The following CLIP4 variants were observed in gnomAD, a reference collection of about 807,000 sequenced individuals.
CLIP4 encodes CAP-Gly domain-containing linker protein 4.
In CLIP4, 47 loss-of-function variants were observed where a neutral mutation model predicts 73.1. The ratio of observed to expected loss-of-function variants is 0.64; its 90% CI spans 0.51 to 0.82. The LOEUF (loss-of-function observed/expected upper bound fraction) is 0.82. CLIP4 is among the 40% of genes least tolerant of loss of function. CLIP4 has a pLI of 0.00. For synonymous variants in CLIP4, 306 were observed against 295.4 expected, an observed-to-expected ratio of 1.04 and a Z score of -0.37; for missense variants, 874 against 852.9, an observed-to-expected ratio of 1.02 and a Z score of -0.31.
rs1432714210 is a variant in CLIP4, at chr2:29,131,338, G to T, written c.214G>T (p.Ala72Ser). 3 of 1,610,272 alleles carry T rather than the reference G, an allele frequency of 1.9e-6. No homozygotes were observed. Among genetic ancestry groups the T allele is most frequent in the Non-Finnish European group, 2.5e-6 (3 of 1,178,476 alleles). Residue 72 changes from alanine to serine, a missense_variant, in exon 3 of 16, where the codon GCC becomes TCC. Physicochemically the swap from Ala to Ser is moderately conservative, Grantham distance 99. Coordinates refer to ENST00000320081, the MANE Select transcript of CLIP4 (RefSeq NM_024692.6). The part of the protein sequence containing the change: ...DPKTSVSELF[A>S]ILRQWVPQVQ... Reference sequence around the variant, plus strand: ...CAAAACTTCAGTTTCAGAATTATTTGCCATTTTGAGACAGTGGGTTCCTCA... The same window carrying T: ...CAAAACTTCAGTTTCAGAATTATTTTCCATTTTGAGACAGTGGGTTCCTCA...
At chr2:29,106,807 T>C (rs1668219178) in intron 1 of CLIP4, among the ~76,000 whole-genome samples, 1 of 152,224 alleles carries the variant, frequency 6.6e-6, no homozygotes, top group Admixed American at 6.5e-5. Flanking sequence ...CTGGTTGTGA[T>C]GATCTTGATG....
chr2:29,155,858 G>C (rs1405269259), intron 9 of CLIP4, among the ~76,000 whole-genome samples: 4 of 152,178 alleles, frequency 2.6e-5, no homozygotes, highest in Non-Finnish European at 5.9e-5. Context: ...TCAAAGCCCA[G>C]CAGAGGCTCC....
At chr2:29,114,077 TG>T (rs1558508327), upstream of CLIP4, 1 of 152,138 alleles carries the variant, frequency 6.6e-6, no homozygotes, top group East Asian at 1.9e-4. Context: ...GGGATGGTCA[TG>T]TATTCAAATA....
Position 29,181,683 on chromosome 2 carries a change from G to T in CLIP4, c.1908G>T (p.Glu636Asp). The T allele has an allele frequency of 6.2e-7, 1 of 1,614,214 alleles. No homozygotes were observed. Among genetic ancestry groups the T allele is most frequent in the South Asian group, 1.1e-5 (1 of 91,086 alleles). ...GSQVLLTSSN[E>D]MGTVRYVGPT... is the part of the protein sequence containing the mutation. The stretch of plus-strand genomic sequence containing the variant: ...AGGTCCTGCTCACGAGCTCCAATGA[G>T]ATGGGTACTGTTAGGTATGTGGGCC... Residue 636 changes from glutamate to aspartate, a missense_variant, in exon 16 of 16, where the codon GAG (glutamate) becomes GAT (aspartate). Glu to Asp is a conservative substitution (Grantham distance 45). Transcript: ENST00000320081.
At chr2:29,133,289 A>G (rs1665109487) in intron 4 of CLIP4, among the ~76,000 whole-genome samples, 1 of 152,210 alleles carries the variant, frequency 6.6e-6, no homozygotes, top group African/African-American at 2.4e-5. Context: ...ACAGATTGCA[A>G]TTTGGGACTG....
intron 5 of CLIP4, among the ~76,000 whole-genome samples, chr2:29,134,485 C>A (rs566213668): frequency 6.6e-6 from 1 of 152,142 alleles, no homozygotes; most frequent in Non-Finnish European, 1.5e-5. Context: ...CCAGAATGTT[C>A]ATTTCTAACC....
chr2:29,127,765 C>T (rs1443643464), intron 2 of CLIP4, among the ~76,000 whole-genome samples: 2 of 152,104 alleles, frequency 1.3e-5, no homozygotes, highest in African/African-American at 4.8e-5. Flanking sequence ...TTTTGTATCA[C>T]AGATGCTTGC....
intron 2 of CLIP4, among the ~76,000 whole-genome samples, chr2:29,124,282 G>A (rs1236371575): frequency 6.6e-6 from 1 of 152,108 alleles, no homozygotes; most frequent in African/African-American, 2.4e-5. Flanking sequence ...TTATAGGTTG[G>A]TAGTTTTCTT....
chr2:29,098,275 A>G (rs1476787436), intron 1 of CLIP4, among the ~76,000 whole-genome samples: 1 of 152,218 alleles, frequency 6.6e-6, no homozygotes, highest in Non-Finnish European at 1.5e-5. Flanking sequence ...TGTGGTTTAC[A>G]TTAGGATTCA....
intron 13 of CLIP4, among the ~76,000 whole-genome samples, chr2:29,164,700 C>T (rs1362011713): frequency 6.6e-6 from 1 of 152,152 alleles, no homozygotes; most frequent in Non-Finnish European, 1.5e-5. Flanking sequence ...CCTACGATCG[C>T]AATCTGGGAG....
At chr2:29,121,954 C>G (rs1664277462) in intron 2 of CLIP4, among the ~76,000 whole-genome samples, 1 of 152,174 alleles carries the variant, frequency 6.6e-6, no homozygotes, top group African/African-American at 2.4e-5. Flanking sequence ...TACATCTCCT[C>G]TGTAAAATGT....
At chr2:29,157,388 T>C (rs957530799) in intron 11 of CLIP4, 41 bp downstream of exon 11, 8 of 1,613,838 alleles carry the variant, frequency 5.0e-6, no homozygotes, top group Non-Finnish European at 6.8e-6. Flanking sequence ...TGGTGTTTTT[T>C]ATCTTGGTTT....
intron 2 of CLIP4, among the ~76,000 whole-genome samples, chr2:29,130,314 A>T (rs1412637813): frequency 2.6e-5 from 4 of 152,212 alleles, no homozygotes; most frequent in South Asian, 4.1e-4. Flanking sequence ...AACTGCAAAT[A>T]GGGAGACTTC....
At chr2:29,152,994 G>T (rs1034078291) in intron 9 of CLIP4, among the ~76,000 whole-genome samples, 166 bp downstream of exon 9, 1 of 152,068 alleles carries the variant, frequency 6.6e-6, no homozygotes, top group Non-Finnish European at 1.5e-5. Context: ...AATGACTTCA[G>T]TTCCTAACAA....
Position 29,164,130 on chromosome 2 carries a change from C to A in CLIP4, c.1658+176C>A, listed in dbSNP as rs543345733. ...CTCATGGAAAGCTAAATTTGCTTTGCTGAGGATTTGCAATTTTAAAAACCT... is the reference window on the plus strand; with the variant it reads ...CTCATGGAAAGCTAAATTTGCTTTGATGAGGATTTGCAATTTTAAAAACCT... On this transcript the variant is annotated intron_variant, in intron 13 of 15. Coordinates refer to ENST00000320081, the MANE Select transcript of CLIP4 (RefSeq NM_024692.6). Among the ~76,000 whole-genome samples, 6 of 152,280 alleles carry A rather than the reference C, an allele frequency of 3.9e-5. No individual in the cohort carries two copies. In the South Asian group the frequency reaches 1.2e-3, roughly 32 times the overall value.
chr2:29,139,675 T>C (rs1257886620), intron 6 of CLIP4, among the ~76,000 whole-genome samples: 1 of 152,158 alleles, frequency 6.6e-6, no homozygotes, highest in East Asian at 1.9e-4. Context: ...TATTGGTGTG[T>C]TCAGGGTTTC....
chr2:29,114,553 C>G (rs1296826019), upstream of CLIP4, among the ~76,000 whole-genome samples: 2 of 152,152 alleles, frequency 1.3e-5, no homozygotes, highest in East Asian at 1.9e-4. Context: ...TCAACCACTG[C>G]TTGGTGGGAA....
At chr2:29,120,575 G>T (rs1664187545) in intron 1 of CLIP4, among the ~76,000 whole-genome samples, 1 of 152,106 alleles carries the variant, frequency 6.6e-6, no homozygotes, top group South Asian at 2.1e-4. Context: ...TTAAAAACAG[G>T]AATTCATGAT....
chr2:29,125,649 C>G (rs1233164057), intron 2 of CLIP4, among the ~76,000 whole-genome samples: 1 of 152,114 alleles, frequency 6.6e-6, no homozygotes, highest in Non-Finnish European at 1.5e-5. Context: ...CTGGAGACTC[C>G]CTCAAGGCAG....
Sources: gnomAD v4.1 joint callset for allele counts (sites outside exome capture counted in the v4.1 genomes callset) on GRCh38, gnomAD v4.1.1 for gene constraint, MANE v1.5 for transcripts, NCBI Gene and HGNC (gene_info 2026-07-23, HGNC 2026-07-21) for gene names.